The following ALDH1A2 variants were observed in gnomAD, a reference collection of about 807,000 sequenced individuals.
ALDH1A2 encodes retinal dehydrogenase 2.
A neutral mutation model predicts 60.3 loss-of-function variants in ALDH1A2; 27 were observed. That is an observed-to-expected ratio of 0.45 (90% CI 0.33 to 0.62). ALDH1A2 has a LOEUF of 0.62. Ranked by LOEUF, ALDH1A2 falls within the 20% of genes least tolerant of loss-of-function variation. ALDH1A2 has a pLI of 0.02. For missense variants in ALDH1A2, 581 were observed against 643.8 expected, an observed-to-expected ratio of 0.90 and a Z score of 1.06; for synonymous variants, 289 against 232.4, an observed-to-expected ratio of 1.24 and a Z score of -2.21.
At chr15:57,966,067 G>C (rs145039640) in intron 7 of ALDH1A2, among the ~76,000 whole-genome samples, 2 of 152,216 alleles carry the variant, frequency 1.3e-5, no homozygotes, top group East Asian at 3.8e-4. Flanking sequence ...AAGGAAAAGG[G>C]AGTTAAATCT....
rs575131554 is a variant in ALDH1A2 at position 57,989,287 on chromosome 15, A to T, written c.798+3418T>A. 9.9e-5 allele frequency among the ~76,000 whole-genome samples: 15 copies of T among 152,102 alleles called. No homozygotes were observed. In the East Asian group the frequency reaches 2.5e-3, roughly 25 times the overall value. On this transcript the variant is annotated intron_variant, in intron 7 of 12. Transcript: ENST00000249750. ...ACAACAAATAATTGAAGGGATTTTT[A>T]TCATATTATATCATATTCCTAGATG...
rs1275992792 is a variant in ALDH1A2 at position 57,960,765 on chromosome 15, CTTACAT to C, written c.1483_1484+4del. 1 of 1,613,092 alleles carries C rather than the reference CTTACAT, an allele frequency of 6.2e-7. No homozygotes were observed. The highest frequency in any genetic ancestry group is 8.5e-7 in the Non-Finnish European group (1 of 1,179,238). Reference sequence around the variant, plus strand: ...TCTGCAGGCATCAGCAACTTTAAGACTTACATTTCTCTCCCATTTCCAGACATCTTG... The same window carrying C: ...TCTGCAGGCATCAGCAACTTTAAGACTTCTCTCCCATTTCCAGACATCTTG... On this transcript the variant is annotated splice_donor_variant and splice_donor_region_variant and coding_sequence_variant and intron_variant, in exon 12 of 13. Transcript: ENST00000249750. LOFTEE classifies it high-confidence loss of function.
At chr15:57,965,957 G>A in intron 7 of ALDH1A2, 130 bp from the exon 8 acceptor site, 1 of 726,524 alleles carries the variant, frequency 1.4e-6, no homozygotes, top group Non-Finnish European at 2.5e-6. Flanking sequence ...CCCAGCTCTT[G>A]TCATCAGCTT....
intron 1 of ALDH1A2, among the ~76,000 whole-genome samples, chr15:58,045,137 T>C (rs1173070875): frequency 1.3e-5 from 2 of 151,828 alleles, no homozygotes; most frequent in Admixed American, 6.6e-5. Flanking sequence ...CCAACAAACA[T>C]ATGAAAAAAT....
intron 12 of ALDH1A2, 96 bp from the exon 13 acceptor site, chr15:57,955,365 C>T (rs4646640): frequency 4.8e-6 from 6 of 1,253,578 alleles, no homozygotes; most frequent in African/African-American, 4.4e-5. Flanking sequence ...TTATCACCTG[C>T]GAACAGCAAG....
At chr15:58,030,629 A>T (rs1267870364) in intron 1 of ALDH1A2, among the ~76,000 whole-genome samples, 2 of 152,150 alleles carry the variant, frequency 1.3e-5, no homozygotes, top group Non-Finnish European at 2.9e-5. Flanking sequence ...ATGATTGTAT[A>T]TTTCGAAAAC....
At chr15:58,027,146 C>A (rs1896102751) in intron 1 of ALDH1A2, among the ~76,000 whole-genome samples, 2 of 152,170 alleles carry the variant, frequency 1.3e-5, no homozygotes, top group Non-Finnish European at 2.9e-5. Flanking sequence ...ACACCTCATA[C>A]AGGCAGGTGC....
chr15:57,999,109 T>A (rs1280151198), intron 4 of ALDH1A2, among the ~76,000 whole-genome samples: 1 of 151,804 alleles, frequency 6.6e-6, no homozygotes, highest in African/African-American at 2.4e-5. Flanking sequence ...TACAAGAAAA[T>A]CTAGGCAATA....
chr15:57,994,039 G>T (rs1419222748), intron 5 of ALDH1A2, among the ~76,000 whole-genome samples: 2 of 152,168 alleles, frequency 1.3e-5, no homozygotes, highest in Non-Finnish European at 1.5e-5. Flanking sequence ...ATCTTAAAGT[G>T]CAGTAATTGA....
intron 1 of ALDH1A2, among the ~76,000 whole-genome samples, chr15:58,037,801 A>C (rs1292067962): frequency 6.6e-6 from 1 of 151,804 alleles, no homozygotes; most frequent in Non-Finnish European, 1.5e-5. Flanking sequence ...AAATTAAAGC[A>C]GAAATAAAGA....
chr15:57,974,432 CAAAAAAAAAAAA>C (rs61170362), intron 7 of ALDH1A2, among the ~76,000 whole-genome samples: 1 of 96,722 alleles, frequency 1.0e-5, no homozygotes, highest in Non-Finnish European at 1.9e-5. Context: ...GACTCCATCT[CAAAAAAAAAAAA>C]AAAAAAAAAG....
At position 58,030,634 on chromosome 15, in the gene ALDH1A2, G is replaced by T. The variant is rs147429487; in HGVS notation, c.118-16353C>A. On this transcript the variant is annotated intron_variant, in intron 1 of 12. Transcript: ENST00000249750. Reference sequence around the variant, plus strand: ...TGCAGGTGACATGATTGTATATTTCGAAAACCCCATTGTGTCAGCCCAAAA... The same window carrying T: ...TGCAGGTGACATGATTGTATATTTCTAAAACCCCATTGTGTCAGCCCAAAA... 9.9e-4 allele frequency among the ~76,000 whole-genome samples: 150 copies of T among 152,158 alleles called. 1 individual carries two copies. The highest frequency in any genetic ancestry group is 3.3e-3 in the African/African-American group (139 of 41,494).
chr15:57,992,290 C>T (rs1265929213), intron 7 of ALDH1A2, among the ~76,000 whole-genome samples: 2 of 152,158 alleles, frequency 1.3e-5, no homozygotes, highest in African/African-American at 4.8e-5. Flanking sequence ...TATATCATCT[C>T]TTAAGGTTCA....
chr15:58,002,771 A>C (rs940027046), intron 4 of ALDH1A2, among the ~76,000 whole-genome samples: 10 of 151,918 alleles, frequency 6.6e-5, no homozygotes, highest in Non-Finnish European at 1.5e-5. Flanking sequence ...TCCAATCCCT[A>C]ATTTGTAGAC....
intron 1 of ALDH1A2, among the ~76,000 whole-genome samples, chr15:58,043,599 C>T (rs1306824461): frequency 6.6e-6 from 1 of 151,912 alleles, no homozygotes; most frequent in Non-Finnish European, 1.5e-5. Flanking sequence ...AATATTTTAA[C>T]ACACAATGAA....
chr15:57,953,458 C>A lies in ALDH1A2; in HGVS notation c.*1739G>T, dbSNP rs557435687. 1.7e-4 allele frequency: 26 copies of A among 152,732 alleles called. No individual in the cohort carries two copies. Among genetic ancestry groups the A allele is most frequent in the Non-Finnish European group, 3.2e-4 (22 of 68,030 alleles). 9.5% of individuals were successfully genotyped at this position (152,732 alleles called of 1,614,324 possible). ...CAATATAAATGCTTTATTGCTAGCA[C>A]AGAGGTTTCTTTTTAAGTAAATTAA... is the stretch of plus-strand genomic sequence containing the variant. On this transcript the variant is annotated 3_prime_UTR_variant, in exon 13 of 13. Coordinates refer to ENST00000249750, the MANE Select transcript of ALDH1A2 (RefSeq NM_003888.4).
intron 4 of ALDH1A2, among the ~76,000 whole-genome samples, chr15:57,998,044 A>G (rs1487282984): frequency 2.0e-5 from 3 of 152,064 alleles, no homozygotes; most frequent in Non-Finnish European, 2.9e-5. Context: ...GATGGAACAT[A>G]CCTCAAAATA....
intron 4 of ALDH1A2, among the ~76,000 whole-genome samples, chr15:57,999,678 A>T (rs1238224258): frequency 2.0e-5 from 3 of 152,108 alleles, no homozygotes; most frequent in African/African-American, 4.8e-5. Flanking sequence ...ACCGAGAACC[A>T]GAAATACCAT....
At chr15:57,979,330 C>T (rs920534638) in intron 7 of ALDH1A2, among the ~76,000 whole-genome samples, 12 of 152,254 alleles carry the variant, frequency 7.9e-5, no homozygotes, top group East Asian at 1.9e-4. Flanking sequence ...GAAACTTTTG[C>T]GGGTATAGAA....
Sources: gnomAD v4.1 joint callset for allele counts (sites outside exome capture counted in the v4.1 genomes callset) on GRCh38, gnomAD v4.1.1 for gene constraint, MANE v1.5 for transcripts, NCBI Gene and HGNC (gene_info 2026-07-23, HGNC 2026-07-21) for gene names.